The following NUMB variants were observed in gnomAD, a reference collection of about 807,000 sequenced individuals.
NUMB encodes the protein protein numb homolog.
In NUMB, 29 loss-of-function variants were observed where a neutral mutation model predicts 59.7. The ratio of observed to expected loss-of-function variants is 0.49; its 90% CI spans 0.36 to 0.66. The LOEUF is 0.66. Among genes scored for constraint, NUMB ranks in the 30% least tolerant of loss-of-function variants. NUMB has a pLI of 0.00. For missense variants in NUMB, 723 were observed against 822.0 expected (o/e 0.88, Z 1.47); for synonymous variants, 288 against 288.2 (o/e 1.00, Z 0.01).
intron 1 of NUMB, among the ~76,000 whole-genome samples, chr14:73,456,546 T>C (rs1456788578): frequency 6.6e-6 from 1 of 152,254 alleles, no homozygotes; most frequent in African/African-American, 2.4e-5. Flanking sequence ...CCTTACCAAA[T>C]GCAATGTCAG....
intron 7 of NUMB, among the ~76,000 whole-genome samples, chr14:73,293,797 T>C (rs1393524586): frequency 6.6e-6 from 1 of 152,268 alleles, no homozygotes; most frequent in Non-Finnish European, 1.5e-5. Flanking sequence ...ATGCCTTCTA[T>C]ACACTGTTTT....
intron 4 of NUMB, among the ~76,000 whole-genome samples, chr14:73,332,365 T>C (rs1462389955): frequency 6.6e-6 from 1 of 152,194 alleles, no homozygotes; most frequent in African/African-American, 2.4e-5. Flanking sequence ...GCAATTCCTG[T>C]GCCTCAGCCT....
intron 6 of NUMB, among the ~76,000 whole-genome samples, chr14:73,306,299 A>T (rs975893213): frequency 6.6e-6 from 1 of 152,226 alleles, no homozygotes; most frequent in Non-Finnish European, 1.5e-5. Flanking sequence ...TAGTTTGCCA[A>T]ATCACTTCAA....
At chr14:73,414,244 C>A (rs1897024092) in intron 1 of NUMB, among the ~76,000 whole-genome samples, 1 of 152,182 alleles carries the variant, frequency 6.6e-6, no homozygotes. Context: ...GCGTAAGCCA[C>A]CACACCCAGC....
intron 3 of NUMB, among the ~76,000 whole-genome samples, chr14:73,364,719 C>T (rs1284949397): frequency 6.6e-6 from 1 of 152,028 alleles, no homozygotes; most frequent in East Asian, 1.9e-4. Flanking sequence ...TCTCAACCTC[C>T]TGGGCTTAAA....
chr14:73,292,737 G>A lies in NUMB; in HGVS notation c.447C>T (p.Asp149=). 6.2e-7 allele frequency: 1 copy of A among 1,614,146 alleles called. No individual in the cohort carries two copies. ...AATACATATTTGCTGGACTCACTGTGTCCTTGACAGCCATGAAGCAGTGAC... is the reference window on the plus strand; with the variant it reads ...AATACATATTTGCTGGACTCACTGTATCCTTGACAGCCATGAAGCAGTGAC... ...WICHCFMAVK[D]TGERLSHAVG... Residue 149 remains aspartate (D), a synonymous_variant, in exon 8 of 13, where the codon GAC becomes GAT. Coordinates refer to ENST00000555238, the MANE Select transcript of NUMB (RefSeq NM_001005743.2).
At chr14:73,431,762 A>G (rs938694336) in intron 1 of NUMB, among the ~76,000 whole-genome samples, 4 of 152,042 alleles carry the variant, frequency 2.6e-5, no homozygotes, top group African/African-American at 9.7e-5. Context: ...AAAAGAAAAG[A>G]AAGAAAATTT....
At chr14:73,358,985 A>G (rs1893960670) in intron 3 of NUMB, among the ~76,000 whole-genome samples, 1 of 152,204 alleles carries the variant, frequency 6.6e-6, no homozygotes, top group South Asian at 2.1e-4. Context: ...AACTTCCATT[A>G]AAAGAGGACA....
At chr14:73,402,561 C>G (rs577974143) in intron 2 of NUMB, among the ~76,000 whole-genome samples, 429 of 152,310 alleles carry the variant, frequency 2.8e-3, no homozygotes, top group Non-Finnish European at 5.3e-3. Flanking sequence ...TCTCACTCTA[C>G]CCCAATGTCC....
intron 8 of NUMB, among the ~76,000 whole-genome samples, chr14:73,287,743 G>A (rs761260459): frequency 1.3e-5 from 2 of 152,184 alleles, no homozygotes; most frequent in African/African-American, 4.8e-5. Context: ...TAATAGATTA[G>A]TATGCCATAT....
At chr14:73,316,551 A>G (rs993864718) in intron 5 of NUMB, 129 bp from the exon 6 acceptor site, 10 of 798,916 alleles carry the variant, frequency 1.3e-5, no homozygotes, top group Non-Finnish European at 1.9e-5. Flanking sequence ...AGTGAGTTTC[A>G]AAGAGTTATC....
chr14:73,284,046 C>G (rs773656670), intron 10 of NUMB, 35 bp downstream of exon 10: 7 of 1,594,200 alleles, frequency 4.4e-6, no homozygotes, highest in Non-Finnish European at 6.0e-6. Context: ...CTTCAGTGCT[C>G]GAGTACCCAG....
At chr14:73,455,694 TA>T (rs1382844252) in intron 1 of NUMB, among the ~76,000 whole-genome samples, 2 of 152,168 alleles carry the variant, frequency 1.3e-5, no homozygotes, top group African/African-American at 4.8e-5. Context: ...AAGAAATACT[TA>T]ATATTTTTAC....
chr14:73,378,361 C>G (rs1895071820), intron 2 of NUMB, among the ~76,000 whole-genome samples: 1 of 152,158 alleles, frequency 6.6e-6, no homozygotes, highest in South Asian at 2.1e-4. Context: ...CAAAACTGCA[C>G]ATACTCTTCA....
At chr14:73,369,428 C>T (rs1894556025) in intron 2 of NUMB, among the ~76,000 whole-genome samples, 1 of 152,164 alleles carries the variant, frequency 6.6e-6, no homozygotes, top group Non-Finnish European at 1.5e-5. Flanking sequence ...GAATTTTTCA[C>T]TAAGAAATTT....
At chr14:73,447,963 C>T (rs1883654379) in intron 1 of NUMB, among the ~76,000 whole-genome samples, 1 of 151,872 alleles carries the variant, frequency 6.6e-6, no homozygotes, top group East Asian at 1.9e-4. Context: ...CACCCAGCTA[C>T]TTTTTTGTAT....
chr14:73,322,926 T>C (rs923639093), intron 5 of NUMB: 2 of 402,756 alleles, frequency 5.0e-6, no homozygotes, highest in Non-Finnish European at 8.9e-6. Context: ...CCTGGCCTCA[T>C]GTAATCCTCC....
intron 1 of NUMB, among the ~76,000 whole-genome samples, chr14:73,438,382 G>A (rs1360071249): frequency 6.6e-6 from 1 of 152,030 alleles, no homozygotes; most frequent in African/African-American, 2.4e-5. Context: ...TTTAATCCCA[G>A]CACTTTGGGA....
At chr14:73,294,835 AG>A (rs1317473177) in intron 7 of NUMB, among the ~76,000 whole-genome samples, 1 of 1,190 alleles carries the variant, frequency 8.4e-4, no homozygotes, top group Non-Finnish European at 2.2e-3. Context: ...TTTACCTTCT[AG>A]TGGCTACTGT....
Sources: gnomAD v4.1 joint callset for allele counts (sites outside exome capture counted in the v4.1 genomes callset) on GRCh38, gnomAD v4.1.1 for gene constraint, MANE v1.5 for transcripts, NCBI Gene and HGNC (gene_info 2026-07-23, HGNC 2026-07-21) for gene names.